The following COL5A3 variants were observed in gnomAD, a reference collection of about 807,000 sequenced individuals.
COL5A3 encodes collagen alpha-3(V) chain.
Under a neutral mutation model 250.0 loss-of-function variants are expected in COL5A3, and 172 were observed. That is an observed-to-expected ratio of 0.69 (90% CI 0.61 to 0.78). COL5A3 has a LOEUF of 0.78. Among genes scored for constraint, COL5A3 ranks in the 30% least tolerant of loss-of-function variants. COL5A3 has a pLI of 0.00. For synonymous variants in COL5A3, 937 were observed against 900.4 expected, an observed-to-expected ratio of 1.04 and a Z score of -0.73; for missense variants, 2,340 against 2,334.4, an observed-to-expected ratio of 1.00 and a Z score of -0.05.
intron 31 of COL5A3, among the ~76,000 whole-genome samples, chr19:9,983,522 AAAGAAAG>A (rs1568418496): frequency 7.2e-6 from 1 of 139,456 alleles, no homozygotes; most frequent in Non-Finnish European, 1.5e-5. Context: ...AAGCAAGCAA[AAAGAAAG>A]AAGAAAGAAA....
chr19:9,967,961 A>T (rs2086777653), intron 60 of COL5A3, 22 bp from the exon 61 acceptor site: 4 of 1,610,520 alleles, frequency 2.5e-6, no homozygotes, highest in Non-Finnish European at 3.4e-6. Flanking sequence ...AGACAGGGAG[A>T]GCTGAGGTCC....
intron 1 of COL5A3, among the ~76,000 whole-genome samples, chr19:10,006,789 T>C (rs539551832): frequency 6.6e-6 from 1 of 151,038 alleles, no homozygotes; most frequent in Admixed American, 6.6e-5. Flanking sequence ...CACTAACTTC[T>C]TTTTCTGGTT....
intron 65 of COL5A3, 148 bp downstream of exon 65, chr19:9,962,671 C>T: frequency 3.3e-6 from 2 of 605,140 alleles, no homozygotes; most frequent in Non-Finnish European, 5.9e-6. Context: ...TCTGATGCTG[C>T]TGCCACCCCA....
intron 24 of COL5A3, among the ~76,000 whole-genome samples, chr19:9,991,012 C>T (rs1047921571): frequency 6.6e-6 from 1 of 152,078 alleles, no homozygotes; most frequent in Non-Finnish European, 1.5e-5. Context: ...ACTGCATGAG[C>T]CCAGGAGTTC....
chr19:9,973,826 G>A lies in COL5A3; in HGVS notation c.3559-17C>T, dbSNP rs765630453. On this transcript the variant is annotated splice_polypyrimidine_tract_variant and intron_variant, in intron 48 of 66. Coordinates refer to ENST00000264828, the MANE Select transcript of COL5A3 (RefSeq NM_015719.4). ...TGGAGTGCCCTGGAGAGACAGCAAGGGGTAAGAGTGGGACTGTGGAATCCC... is the reference window on the plus strand; with the variant it reads ...TGGAGTGCCCTGGAGAGACAGCAAGAGGTAAGAGTGGGACTGTGGAATCCC... 6.2e-7 allele frequency: 1 copy of A among 1,613,960 alleles called. No individual in the cohort carries two copies. The highest frequency in any genetic ancestry group is 8.5e-7 in the Non-Finnish European group (1 of 1,179,920).
rs779406986 is a variant in COL5A3 at position 9,993,020 on chromosome 19, C to T, written c.1794+3G>A. On this transcript the variant is annotated splice_donor_region_variant and intron_variant, in intron 20 of 66. Coordinates refer to ENST00000264828, the MANE Select transcript of COL5A3 (RefSeq NM_015719.4). ...AAGGGGCCCAGGGATCCCTGATACT[C>T]ACCGGCTCCCCAGCCTGGCCAGTGG... 6.2e-7 allele frequency: 1 copy of T among 1,613,486 alleles called. No individual in the cohort carries two copies. Among genetic ancestry groups the T allele is most frequent in the Non-Finnish European group, 8.5e-7 (1 of 1,179,780 alleles).
In COL5A3 at chr19:9,991,987, G is replaced by T. The variant is rs753375099; in HGVS notation, c.1893+17C>A. 2.0e-4 allele frequency: 314 copies of T among 1,609,500 alleles called. No homozygotes were observed. Among genetic ancestry groups the T allele is most frequent in the Non-Finnish European group, 2.6e-4 (310 of 1,176,048 alleles). On this transcript the variant is annotated intron_variant, in intron 22 of 66. Coordinates refer to ENST00000264828, the MANE Select transcript of COL5A3 (RefSeq NM_015719.4). ...AGTGTCAGAAGGGTCAGAGGTCAAA[G>T]GGCACAGGGCACATACCACATTGCC...
intron 28 of COL5A3, 43 bp from the exon 29 acceptor site, chr19:9,986,649 A>G (rs1485940871): frequency 1.9e-6 from 3 of 1,613,596 alleles, no homozygotes; most frequent in African/African-American, 2.7e-5. Context: ...GCCTCGGGGA[A>G]GGGACACAAC....
At position 9,996,493 on chromosome 19, in the gene COL5A3, A is replaced by C; in HGVS notation, c.1362T>G (p.Phe454Leu). ...GCTGGAATGAGACTGGGGGGCCTTT[A>C]AAGGAGCCGCCTGCAAACTGGAACT... ...MMPFQFAGGSFKGPPVSFQQA... is the reference protein window; with the variant it reads ...MMPFQFAGGSLKGPPVSFQQA... The change falls in exon 13 of 67, where the codon TTT becomes TTG. Residue 454 changes from phenylalanine (F) to leucine (L), a missense_variant. Around this residue, in one of 3 missense-constraint regions of COL5A3, gnomAD observed 1,152 missense variants for 1,146.3 expected, o/e 1.00. Coordinates refer to ENST00000264828, the MANE Select transcript of COL5A3 (RefSeq NM_015719.4). The C allele has an allele frequency of 6.2e-7, 1 of 1,614,082 alleles. No individual in the cohort carries two copies. Among genetic ancestry groups the C allele is most frequent in the Non-Finnish European group, 8.5e-7 (1 of 1,179,976 alleles).
chr19:9,980,151 TG>T (rs2086987703), intron 35 of COL5A3, 104 bp from the exon 36 acceptor site: 6 of 1,109,408 alleles, frequency 5.4e-6, no homozygotes, highest in Non-Finnish European at 7.6e-6. Flanking sequence ...GAGTGCTTAC[TG>T]CATGCCAGGC....
chr19:9,998,690 C>CTT (rs112231822), intron 8 of COL5A3, among the ~76,000 whole-genome samples: 1 of 144,948 alleles, frequency 6.9e-6, no homozygotes, highest in Non-Finnish European at 1.5e-5. Context: ...TTTCTTTCTT[C>CTT]TTTTTTTTTT....
At position 9,979,859 on chromosome 19, in the gene COL5A3, G is replaced by A. The variant is rs762642140; in HGVS notation, c.2692C>T (p.Pro898Ser). 2.5e-6 allele frequency: 4 copies of A among 1,578,676 alleles called. No individual in the cohort carries two copies. In the African/African-American group the frequency reaches 4.1e-5, roughly 16 times the overall value. The change falls in exon 37 of 67, where the codon CCT (proline) becomes TCT (serine). Residue 898 changes from proline (P) to serine (S), a missense_variant. Transcript: ENST00000264828. ...CTCACCAGTTCTCCTCTCTGTCCAGGGTGCCCTGGTCGCCCATCTTTACCT... is the reference window on the plus strand; with the variant it reads ...CTCACCAGTTCTCCTCTCTGTCCAGAGTGCCCTGGTCGCCCATCTTTACCT... ...HQGKDGRPGHPGQRGELGFQG... is the reference protein window; with the variant it reads ...HQGKDGRPGHSGQRGELGFQG...
chr19:10,003,810 T>A, intron 5 of COL5A3, 96 bp from the exon 6 acceptor site: 4 of 1,506,810 alleles, frequency 2.7e-6, no homozygotes, highest in Non-Finnish European at 2.7e-6. Context: ...GGCCCGTGGG[T>A]CCTCACTCAG....
At chr19:10,001,338 GA>G (rs1250786408) in intron 8 of COL5A3, among the ~76,000 whole-genome samples, 185 bp downstream of exon 8, 2 of 151,936 alleles carry the variant, frequency 1.3e-5, no homozygotes, top group African/African-American at 2.4e-5. Context: ...GTAGACATGG[GA>G]TTTCACCACG....
chr19:9,989,630 C>A lies in COL5A3; in HGVS notation c.1993-108G>T, dbSNP rs540932327. 133 of 998,174 alleles carry A rather than the reference C, an allele frequency of 1.3e-4. 1 individual carries two copies. In the African/African-American group the frequency reaches 2.0e-3, roughly 15 times the overall value. 61.8% of individuals were successfully genotyped at this position (998,174 alleles called of 1,614,324 possible). A position where few individuals can be genotyped will look rare whatever the true frequency, so the allele number is the denominator to read the frequency against. On this transcript the variant is annotated intron_variant, in intron 24 of 66. Transcript: ENST00000264828. ...GCCTCAAGGTTAAGAAATAAGCAGA[C>A]CTCACTGGCCAGGAAATCTATCCCA...
chr19:9,970,484 TG>T (rs1388878859), intron 54 of COL5A3, 137 bp downstream of exon 54: 1 of 206,870 alleles, frequency 4.8e-6, no homozygotes, highest in Non-Finnish European at 7.7e-6. Flanking sequence ...GTGGGGTGAG[TG>T]GGGGCTGTGG....
At position 9,973,036 on chromosome 19, in the gene COL5A3, AAGAGGTC is replaced by A; in HGVS notation, c.3667-17_3667-11del. On this transcript the variant is annotated splice_polypyrimidine_tract_variant and intron_variant, in intron 50 of 66. Coordinates refer to ENST00000264828, the MANE Select transcript of COL5A3 (RefSeq NM_015719.4). The stretch of plus-strand genomic sequence containing the variant: ...TGTCTCCCTTGGGCCCCTTTACAGA[AAGAGGTC>A]AGAGGTCAGAGTGGCCTGGACTCTC... 1.3e-6 allele frequency: 2 copies of A among 1,598,314 alleles called. No homozygotes were observed. The highest frequency in any genetic ancestry group is 1.7e-4 in the Middle Eastern group (1 of 6,034).
chr19:10,000,785 A>T (rs1228729616), intron 8 of COL5A3, among the ~76,000 whole-genome samples: 1 of 152,128 alleles, frequency 6.6e-6, no homozygotes, highest in African/African-American at 2.4e-5. Flanking sequence ...TCCAGGTAGA[A>T]ATCCCTTCTA....
In COL5A3 at chr19:9,992,036, T is replaced by G. The variant is rs2087200954; in HGVS notation, c.1861A>C (p.Ile621Leu). Residue 621 changes from isoleucine to leucine, a missense_variant, in exon 22 of 67, where the codon ATT (isoleucine) becomes CTT (leucine). By Grantham distance (5) the Ile-to-Leu change is conservative. Transcript: ENST00000264828. Reference protein sequence around the residue: ...GPTGRPGVTGIDGAPGAKGNV... With the variant: ...GPTGRPGVTGLDGAPGAKGNV... Reference sequence around the variant, plus strand: ...CCTTTGGCACCAGGAGCACCATCAATTCCAGTCACACCCTAGGGGAAAAGA... The same window carrying G: ...CCTTTGGCACCAGGAGCACCATCAAGTCCAGTCACACCCTAGGGGAAAAGA... 1 of 1,613,420 alleles carries G rather than the reference T, an allele frequency of 6.2e-7. No individual in the cohort carries two copies. The highest frequency in any genetic ancestry group is 2.2e-5 in the East Asian group (1 of 44,832).
Sources: allele counts gnomAD v4.1 joint callset (sites outside exome capture counted in the v4.1 genomes callset), GRCh38; gene constraint gnomAD v4.1.1; regional missense constraint gnomAD v4.1.1; transcripts MANE v1.5; gene names NCBI Gene and HGNC (gene_info 2026-07-23, HGNC 2026-07-21).